ZNF423: variants seen among roughly 807,000 people sequenced by gnomAD.
ZNF423 encodes Ebf-associated zinc finger protein.
A neutral mutation model predicts 95.8 loss-of-function variants in ZNF423; 12 were observed. The observed-to-expected ratio is 0.13, with a 90% CI of 0.08 to 0.20. The LOEUF is 0.20. ZNF423 is among the 10% of genes least tolerant of loss of function. ZNF423 has a pLI of 1.00. For synonymous variants in ZNF423, 749 were observed against 711.9 expected (o/e 1.05, Z -0.83); for missense variants, 1,316 against 1,737.1 (o/e 0.76, Z 4.31).
chr16:49,801,113 G>A (rs1597021467), intron 1 of ZNF423, among the ~76,000 whole-genome samples: 3 of 152,160 alleles, frequency 2.0e-5, no homozygotes, highest in South Asian at 4.1e-4. Flanking sequence ...ACAGTCCCTC[G>A]CAGCTCTGTC....
intron 2 of ZNF423, among the ~76,000 whole-genome samples, chr16:49,775,582 G>A (rs140889772): frequency 6.6e-6 from 1 of 152,192 alleles, no homozygotes; most frequent in Admixed American, 6.5e-5. Flanking sequence ...TAGGGGCTTT[G>A]TTATTCCCAT....
chr16:49,633,231 T>C (rs989994544), intron 4 of ZNF423, among the ~76,000 whole-genome samples: 8 of 152,226 alleles, frequency 5.3e-5, no homozygotes, highest in South Asian at 2.1e-4. Flanking sequence ...AAGGATTAAA[T>C]AGAAAGTGCT....
intron 3 of ZNF423, among the ~76,000 whole-genome samples, chr16:49,692,273 G>C (rs1158772300): frequency 6.6e-6 from 1 of 152,054 alleles, no homozygotes; most frequent in African/African-American, 2.4e-5. Context: ...TTCTTATGCA[G>C]AGCACTTGAC....
intron 4 of ZNF423, among the ~76,000 whole-genome samples, chr16:49,626,754 C>T (rs1306386320): frequency 6.6e-6 from 1 of 151,116 alleles, no homozygotes; most frequent in Non-Finnish European, 1.5e-5. Flanking sequence ...TACATACACA[C>T]CCACCAATAG....
At chr16:49,765,252 T>G (rs1322329875) in intron 2 of ZNF423, among the ~76,000 whole-genome samples, 3 of 152,024 alleles carry the variant, frequency 2.0e-5, no homozygotes, top group African/African-American at 7.3e-5. Context: ...AATGGGGAGT[T>G]TGTGTTTTAA....
At chr16:49,629,928 G>T (rs1442949198) in intron 4 of ZNF423, among the ~76,000 whole-genome samples, 1 of 152,192 alleles carries the variant, frequency 6.6e-6, no homozygotes, top group African/African-American at 2.4e-5. Flanking sequence ...AGAAAATGCT[G>T]CTTGAACAAA....
In ZNF423 at chr16:49,813,898, G is replaced by A. The variant is rs138615995; in HGVS notation, c.41-24352C>T. ...GGACAGGGGCCAGGGGTCCACATCC[G>A]CCCCCCAACTCCTATAAATGCCTTG... On this transcript the variant is annotated intron_variant, in intron 1 of 7. Transcript: ENST00000563137. Among the ~76,000 whole-genome samples the A allele has an allele frequency of 4.6e-3, 703 of 152,274 alleles. 3 individuals carry two copies. Among genetic ancestry groups the A allele is most frequent in the African/African-American group, 0.015 (609 of 41,556 alleles).
intron 4 of ZNF423, among the ~76,000 whole-genome samples, chr16:49,630,699 C>T (rs2151873065): frequency 6.6e-6 from 1 of 152,254 alleles, no homozygotes; most frequent in South Asian, 2.1e-4. Context: ...TTGATCTTCT[C>T]AGGGGCAGGT....
intron 5 of ZNF423, among the ~76,000 whole-genome samples, chr16:49,623,499 G>T (rs559874638): frequency 6.6e-6 from 1 of 152,226 alleles, no homozygotes; most frequent in African/African-American, 2.4e-5. Flanking sequence ...CCAGGCTTGC[G>T]CCCTTCATGC....
intron 7 of ZNF423, among the ~76,000 whole-genome samples, chr16:49,508,814 C>G (rs751148978): frequency 6.6e-6 from 1 of 152,136 alleles, no homozygotes; most frequent in Non-Finnish European, 1.5e-5. Context: ...CCTTCCACCA[C>G]GCTTCCCACC....
intron 3 of ZNF423, 131 bp downstream of exon 3, chr16:49,730,640 A>G: frequency 1.0e-6 from 1 of 982,566 alleles, no homozygotes. Context: ...TACCCAAGAC[A>G]CCACAATAAA....
At chr16:49,546,505 C>T (rs1969447030) in intron 5 of ZNF423, among the ~76,000 whole-genome samples, 1 of 152,150 alleles carries the variant, frequency 6.6e-6, no homozygotes, top group Admixed American at 6.5e-5. Context: ...GGCCAGTCCC[C>T]ATCCTAACTG....
At position 49,492,436 on chromosome 16, in the gene ZNF423, C is replaced by T. The variant is rs1456631848; in HGVS notation, c.3850-1132G>A. ...CCTGGGCTCGGGTCCGCGGCGAGGG[C>T]GACCAGGTGATGCCAGTAGCCTCGC... On this transcript the variant is annotated intron_variant, in intron 7 of 7. Transcript: ENST00000563137. This position sits in a 1 kb window ranked among gnomAD's most constrained non-coding sequence, Gnocchi z 4.2. Among the ~76,000 whole-genome samples the T allele has an allele frequency of 1.3e-5, 2 of 152,156 alleles. No homozygotes were observed. Among genetic ancestry groups the T allele is most frequent in the Non-Finnish European group, 2.9e-5 (2 of 68,004 alleles).
At chr16:49,795,407 C>T (rs985304899) in intron 1 of ZNF423, among the ~76,000 whole-genome samples, 3 of 152,196 alleles carry the variant, frequency 2.0e-5, no homozygotes, top group Admixed American at 6.5e-5. Flanking sequence ...CGGCCTTGAG[C>T]ACAAACCACT....
intron 3 of ZNF423, among the ~76,000 whole-genome samples, chr16:49,663,863 A>G (rs1443600667): frequency 6.6e-6 from 1 of 152,140 alleles, no homozygotes; most frequent in East Asian, 1.9e-4. Flanking sequence ...CACCCTGGCC[A>G]CCACCACCTG....
chr16:49,653,143 C>T (rs553509981), intron 3 of ZNF423, among the ~76,000 whole-genome samples: 2 of 151,990 alleles, frequency 1.3e-5, no homozygotes, highest in African/African-American at 4.8e-5. Flanking sequence ...AAACCTCAGG[C>T]GGGTGGGAGG....
intron 3 of ZNF423, among the ~76,000 whole-genome samples, chr16:49,671,425 G>A (rs116802206): frequency 0.018 from 2,804 of 152,294 alleles, 71 homozygotes; most frequent in African/African-American, 0.063. Context: ...CCAAGCACGC[G>A]TCCACCCGCT....
chr16:49,722,242 G>A (rs9302741), intron 3 of ZNF423, among the ~76,000 whole-genome samples: 12,273 of 152,222 alleles, frequency 0.081, 838 homozygotes, highest in African/African-American at 0.19. Context: ...CAGCCAAGCA[G>A]ACCCAGGCTG....
chr16:49,786,648 C>T (rs571078326), intron 2 of ZNF423, among the ~76,000 whole-genome samples: 18 of 152,354 alleles, frequency 1.2e-4, no homozygotes, highest in South Asian at 4.1e-4. Flanking sequence ...CTCCACCTCC[C>T]GATGCCAAGT....
Sources: allele counts gnomAD v4.1 joint callset (sites outside exome capture counted in the v4.1 genomes callset), GRCh38; gene constraint gnomAD v4.1.1; non-coding constraint Gnocchi (gnomAD v3.1); transcripts MANE v1.5; gene names NCBI Gene and HGNC (gene_info 2026-07-23, HGNC 2026-07-21).